Variants in STK3 observed in about 807,000 individuals in gnomAD.
The protein encoded by STK3 is serine/threonine-protein kinase 3.
In STK3, 41 loss-of-function variants were observed where a neutral mutation model predicts 58.0. The observed-to-expected ratio is 0.71, with a 90% CI of 0.55 to 0.92. The LOEUF is 0.92. Ranked by LOEUF, STK3 falls within the 40% of genes least tolerant of loss-of-function variation. The pLI, the probability that STK3 is intolerant of heterozygous loss-of-function variation, is 0.00. For missense variants in STK3, 479 were observed against 602.7 expected, an observed-to-expected ratio of 0.79 and a Z score of 2.15; for synonymous variants, 170 against 191.0, an observed-to-expected ratio of 0.89 and a Z score of 0.91.
At chr8:98,792,168 A>G (rs185617978) in intron 1 of STK3, among the ~76,000 whole-genome samples, 1 of 152,338 alleles carries the variant, frequency 6.6e-6, no homozygotes, top group East Asian at 1.9e-4. Context: ...ACAATTCTCA[A>G]AAGAAGATAT....
chr8:98,941,974 G>A (rs1840450258), intron 1 of STK3, among the ~76,000 whole-genome samples: 1 of 152,228 alleles, frequency 6.6e-6, no homozygotes, highest in Non-Finnish European at 1.5e-5. Context: ...CGGGGGCACA[G>A]CCGGGCCACT....
At chr8:98,924,906 A>G (rs1215311166) in intron 1 of STK3, among the ~76,000 whole-genome samples, 1 of 152,188 alleles carries the variant, frequency 6.6e-6, no homozygotes, top group Non-Finnish European at 1.5e-5. Flanking sequence ...ATGCCTCAGA[A>G]TTGTTGCTGG....
At chr8:98,781,339 G>A (rs1349781705) in intron 1 of STK3, among the ~76,000 whole-genome samples, 1 of 152,214 alleles carries the variant, frequency 6.6e-6, no homozygotes, top group African/African-American at 2.4e-5. Flanking sequence ...AGGGAGCTAT[G>A]CAGGGAAAAG....
chr8:98,925,100 G>A (rs1351534247), intron 1 of STK3, among the ~76,000 whole-genome samples: 2 of 152,200 alleles, frequency 1.3e-5, no homozygotes, highest in Non-Finnish European at 2.9e-5. Flanking sequence ...CCACAAGAAG[G>A]TCAGATTGAC....
chr8:98,901,743 A>G (rs944464269), intron 1 of STK3, among the ~76,000 whole-genome samples: 9 of 152,250 alleles, frequency 5.9e-5, no homozygotes, highest in African/African-American at 2.2e-4. Context: ...TGGGGAGGTC[A>G]GGGCAGCTTT....
the STK3 span, among the ~76,000 whole-genome samples, chr8:98,350,107 T>C: frequency 6.6e-6 from 1 of 152,156 alleles, no homozygotes; most frequent in Non-Finnish European, 1.5e-5. Flanking sequence ...CTTATAAAAC[T>C]GAATGCCTTT....
intron 1 of STK3, among the ~76,000 whole-genome samples, chr8:98,786,423 C>T (rs557713885): frequency 3.9e-5 from 6 of 152,256 alleles, no homozygotes; most frequent in African/African-American, 1.4e-4. Context: ...TGGTTTGCAC[C>T]TATCGTTCTA....
chr8:98,823,434 G>A (rs962419953), intron 1 of STK3, among the ~76,000 whole-genome samples: 8 of 152,186 alleles, frequency 5.3e-5, no homozygotes, highest in African/African-American at 1.9e-4. Flanking sequence ...ATAAGAAAGA[G>A]AGTTTCAAAA....
chr8:98,682,537 A>G (rs1423414717), intron 6 of STK3, among the ~76,000 whole-genome samples: 1 of 152,138 alleles, frequency 6.6e-6, no homozygotes. Context: ...AACTACATTT[A>G]ATTATGCAAA....
intron 2 of STK3, among the ~76,000 whole-genome samples, chr8:98,769,550 C>T (rs892392655): frequency 6.6e-6 from 1 of 152,182 alleles, no homozygotes; most frequent in African/African-American, 2.4e-5. Context: ...CGTAAATTGC[C>T]CAGTCCCAGG....
intron 3 of STK3, among the ~76,000 whole-genome samples, chr8:98,422,893 C>T (rs964064162): frequency 1.3e-5 from 2 of 152,348 alleles, no homozygotes; most frequent in African/African-American, 4.8e-5. Flanking sequence ...TTTGCCCTCA[C>T]CAGAGACTCT....
chr8:98,621,399 C>T (rs577174993), intron 6 of STK3, among the ~76,000 whole-genome samples: 1 of 152,254 alleles, frequency 6.6e-6, no homozygotes, highest in South Asian at 2.1e-4. Flanking sequence ...TTTCCTTTCA[C>T]TTCTTGCCTT....
At chr8:98,828,452 A>C (rs867896133), upstream of STK3, among the ~76,000 whole-genome samples, 1,717 of 149,712 alleles carry the variant, frequency 0.011, 31 homozygotes, top group African/African-American at 0.04. Context: ...AAAAAAAAAA[A>C]AAAAAAAAAA....
intron 4 of STK3, among the ~76,000 whole-genome samples, chr8:98,731,916 C>T (rs1828236642): frequency 6.6e-6 from 1 of 151,956 alleles, no homozygotes. Flanking sequence ...AATCCATAAC[C>T]CTAGAAGAAA....
At chr8:98,357,097 C>T in the STK3 span, among the ~76,000 whole-genome samples, 28,621 of 152,124 alleles carry the variant, frequency 0.19, 2,896 homozygotes, top group Middle Eastern at 0.32. Flanking sequence ...GCTTTTTATT[C>T]TGGGTTTTCC....
chr8:98,532,396 T>C (rs1049036473), intron 9 of STK3, among the ~76,000 whole-genome samples: 1 of 152,186 alleles, frequency 6.6e-6, no homozygotes, highest in African/African-American at 2.4e-5. Flanking sequence ...ATTCGCCATC[T>C]TATATAGGCG....
chr8:98,351,950 G>C, the STK3 span, among the ~76,000 whole-genome samples: 1 of 152,058 alleles, frequency 6.6e-6, no homozygotes, highest in Non-Finnish European at 1.5e-5. Flanking sequence ...ATGAGGTCAG[G>C]AGATCGAGAC....
At chr8:98,712,998 C>T (rs1160125319) in intron 4 of STK3, among the ~76,000 whole-genome samples, 4 of 152,166 alleles carry the variant, frequency 2.6e-5, no homozygotes, top group Non-Finnish European at 4.4e-5. Flanking sequence ...AACCGCTCAA[C>T]TACATGGAAA....
In STK3 at chr8:98,671,867, T is replaced by C. The variant is rs116867128; in HGVS notation, c.684+34600A>G. Among the ~76,000 whole-genome samples the C allele has an allele frequency of 1.8e-4, 28 of 152,304 alleles. No homozygotes were observed. In the East Asian group the frequency reaches 4.2e-3, roughly 23 times the overall value. The stretch of plus-strand genomic sequence containing the variant: ...AAGGGTGGGACCAGGTGGAGATAAC[T>C]GAATCACAGGGGCAGTTTCCCCCTG... On this transcript the variant is annotated intron_variant, in intron 6 of 10. Transcript: ENST00000419617.
Sources: allele counts gnomAD v4.1 joint callset (sites outside exome capture counted in the v4.1 genomes callset), GRCh38; gene constraint gnomAD v4.1.1; transcripts MANE v1.5; gene names NCBI Gene and HGNC (gene_info 2026-07-23, HGNC 2026-07-21).